The following GRAMD1B variants were observed in gnomAD, a reference collection of about 807,000 sequenced individuals.
The protein encoded by GRAMD1B is protein Aster-B.
GRAMD1B carries 37 observed loss-of-function variants against 99.7 expected under a neutral mutation model. That is an observed-to-expected ratio of 0.37 (90% CI 0.29 to 0.49). The LOEUF (loss-of-function observed/expected upper bound fraction) is 0.49, where lower values mean the gene tolerates loss of function less well. Ranked by LOEUF, GRAMD1B falls within the 20% of genes least tolerant of loss-of-function variation. The pLI is 0.98. For missense variants in GRAMD1B, 888 were observed against 1,009.2 expected (o/e 0.88, Z 1.63); for synonymous variants, 427 against 387.6 (o/e 1.10, Z -1.19).
At chr11:123,403,433 AATG>A (rs201005893) in intron 1 of GRAMD1B, among the ~76,000 whole-genome samples, 20 of 138,912 alleles carry the variant, frequency 1.4e-4, no homozygotes, top group African/African-American at 3.1e-4. Flanking sequence ...GTCTCAAAAT[AATG>A]ATGATGATGA....
intron 1 of GRAMD1B, among the ~76,000 whole-genome samples, chr11:123,462,890 T>TAAATAAATAAA (rs55643501): frequency 5.7e-5 from 7 of 123,080 alleles, no homozygotes; most frequent in Admixed American, 8.8e-5. Flanking sequence ...AAAAAATAAA[T>TAAATAAATAAA]TAAAAAAAAA....
chr11:123,462,890 TTA>T (rs1491556627), intron 1 of GRAMD1B, among the ~76,000 whole-genome samples: 4 of 123,110 alleles, frequency 3.2e-5, no homozygotes, highest in Non-Finnish European at 4.9e-5. Flanking sequence ...AAAAAATAAA[TTA>T]AAAAAAAAAA....
chr11:123,617,859 C>CTCCTCAT (rs71060521), intron 17 of GRAMD1B, among the ~76,000 whole-genome samples: 51,267 of 151,676 alleles, frequency 0.34, 8,849 homozygotes, highest in South Asian at 0.51. Context: ...CTCTCTATGA[C>CTCCTCAT]TCCCCACAGC....
At chr11:123,511,223 A>G (rs1039874583) in intron 2 of GRAMD1B, among the ~76,000 whole-genome samples, 3 of 152,034 alleles carry the variant, frequency 2.0e-5, no homozygotes, top group Non-Finnish European at 4.4e-5. Flanking sequence ...TGCGGGCTGG[A>G]CAGTCTTAAA....
At chr11:123,558,198 G>A (rs189114053) in intron 2 of GRAMD1B, among the ~76,000 whole-genome samples, 1 of 151,944 alleles carries the variant, frequency 6.6e-6, no homozygotes, top group African/African-American at 2.4e-5. Flanking sequence ...TGGCCAGGCT[G>A]GTCTAAAACT....
intron 1 of GRAMD1B, among the ~76,000 whole-genome samples, chr11:123,462,846 C>A (rs1387421105): frequency 2.1e-5 from 3 of 146,238 alleles, no homozygotes; most frequent in African/African-American, 7.7e-5. Flanking sequence ...CTGCCAAATC[C>A]CCCTCTGTGA....
intron 1 of GRAMD1B, among the ~76,000 whole-genome samples, chr11:123,475,051 A>G (rs746809635): frequency 2.6e-5 from 4 of 152,182 alleles, no homozygotes; most frequent in Non-Finnish European, 5.9e-5. Context: ...GCACCTACTC[A>G]GTAGAGGTTG....
Position 123,603,420 on chromosome 11 carries a change from C to G in GRAMD1B, c.1051-6C>G. ...AAGGCTCAGTCGTTCCTTTTCTCCCCTGAAGCCTCTGTGTCCCAAGGAGCT... is the reference window on the plus strand; with the variant it reads ...AAGGCTCAGTCGTTCCTTTTCTCCCGTGAAGCCTCTGTGTCCCAAGGAGCT... On this transcript the variant is annotated splice_region_variant and splice_polypyrimidine_tract_variant and intron_variant, in intron 8 of 19. Coordinates refer to ENST00000635736, the MANE Select transcript of GRAMD1B (RefSeq NM_001387025.1). The G allele has an allele frequency of 6.4e-7, 1 of 1,569,732 alleles. No homozygotes were observed. The highest frequency in any genetic ancestry group is 1.1e-5 in the South Asian group (1 of 90,146).
rs1223735357 is a variant in GRAMD1B, at chr11:123,368,671, C to T, written c.-176+9872C>T. Among the ~76,000 whole-genome samples, 4 of 87,370 alleles carry T rather than the reference C, an allele frequency of 4.6e-5. No homozygotes were observed. The Admixed American group carries it at 7.7e-4, about 17-fold the overall frequency. The allele number at this position is 87,370 out of a possible 152,430, so 57.3% of individuals were successfully genotyped here. Reference sequence around the variant, plus strand: ...CTCCAGCCTGGGTGACACAGCGAGACTCTGTCTCAAAAAAAAAAAAAAAAA... The same window carrying T: ...CTCCAGCCTGGGTGACACAGCGAGATTCTGTCTCAAAAAAAAAAAAAAAAA... On this transcript the variant is annotated intron_variant, in intron 1 of 20. Coordinates refer to the GRAMD1B transcript ENST00000638157.
chr11:123,515,396 G>T (rs547274900), intron 2 of GRAMD1B, among the ~76,000 whole-genome samples: 2 of 152,178 alleles, frequency 1.3e-5, no homozygotes, highest in Non-Finnish European at 2.9e-5. Context: ...AACCTGAAAC[G>T]TATTGAGTGC....
intron 10 of GRAMD1B, 26 bp from the exon 11 acceptor site, chr11:123,606,583 G>C (rs1456897004): frequency 6.3e-7 from 1 of 1,591,044 alleles, no homozygotes; most frequent in East Asian, 2.3e-5. Flanking sequence ...TTTCCCTGGT[G>C]GGTGACTCCT....
rs201536802 is a variant in GRAMD1B, at chr11:123,371,432, AT to A, written c.-176+12642del. 6.6e-5 allele frequency among the ~76,000 whole-genome samples: 10 copies of A among 151,818 alleles called. No individual in the cohort carries two copies. The East Asian group carries it at 1.4e-3, about 21-fold the overall frequency. On this transcript the variant is annotated intron_variant, in intron 1 of 20. Coordinates refer to the GRAMD1B transcript ENST00000638157. Reference sequence around the variant, plus strand: ...GACTTTTGAAGGTTTAAACCACAGAATTTTTTTTTAAAGGTTGAGTTATTTT... The same window carrying A: ...GACTTTTGAAGGTTTAAACCACAGAATTTTTTTTAAAGGTTGAGTTATTTT...
intron 8 of GRAMD1B, 82 bp downstream of exon 8, chr11:123,600,630 C>T (rs78208824): frequency 0.017 from 14,044 of 806,364 alleles, 292 homozygotes; most frequent in African/African-American, 0.054. Flanking sequence ...CTGGGAATCC[C>T]CCACTGATAG....
intron 2 of GRAMD1B, among the ~76,000 whole-genome samples, chr11:123,514,098 C>T (rs1941436219): frequency 2.0e-5 from 3 of 152,036 alleles, no homozygotes; most frequent in Admixed American, 6.6e-5. Flanking sequence ...TCACAATCGC[C>T]GTGAAGAGTT....
intron 1 of GRAMD1B, among the ~76,000 whole-genome samples, chr11:123,419,698 A>AGTGTGTGTGT (rs3222403): frequency 2.2e-5 from 3 of 134,102 alleles, no homozygotes; most frequent in South Asian, 2.8e-4. Flanking sequence ...GGAATTTCTA[A>AGTGTGTGTGT]GTGTGTGTGT....
At position 123,368,694 on chromosome 11, in the gene GRAMD1B, A is replaced by AG. The variant is rs564285770; in HGVS notation, c.-176+9895_-176+9896insG. ...GACTCTGTCTCAAAAAAAAAAAAAA[A>AG]AAAAAAAAGAAAGAAAGAAAGAAAA... On this transcript the variant is annotated intron_variant, in intron 1 of 20. Transcript: ENST00000638157. Among the ~76,000 whole-genome samples, 1,122 of 150,476 alleles carry AG rather than the reference A, an allele frequency of 7.5e-3. 9 individuals carry two copies. The highest frequency in any genetic ancestry group is 0.017 in the South Asian group (81 of 4,762).
At chr11:123,549,352 G>A (rs1451241230) in intron 2 of GRAMD1B, among the ~76,000 whole-genome samples, 3 of 152,118 alleles carry the variant, frequency 2.0e-5, no homozygotes, top group Non-Finnish European at 2.9e-5. Flanking sequence ...AAACCATCCT[G>A]GCTAAGACGG....
intron 2 of GRAMD1B, among the ~76,000 whole-genome samples, chr11:123,557,929 C>T (rs553946191): frequency 1.3e-5 from 2 of 151,298 alleles, no homozygotes; most frequent in Non-Finnish European, 2.9e-5. Context: ...CTTGATTCCA[C>T]CAACCCCTGT....
At chr11:123,482,121 C>T (rs1344164289) in intron 2 of GRAMD1B, among the ~76,000 whole-genome samples, 4 of 150,854 alleles carry the variant, frequency 2.7e-5, no homozygotes, top group Non-Finnish European at 4.4e-5. Context: ...TTTTCTGAGA[C>T]AGAATCTCGC....
Sources: gnomAD v4.1 joint callset for allele counts (sites outside exome capture counted in the v4.1 genomes callset) on GRCh38, gnomAD v4.1.1 for gene constraint, MANE v1.5 for transcripts, NCBI Gene and HGNC (gene_info 2026-07-23, HGNC 2026-07-21) for gene names.